The following IQCM variants were observed in gnomAD, a reference collection of about 807,000 sequenced individuals.
IQCM encodes the protein IQ domain-containing protein M.
In IQCM, 45 loss-of-function variants were observed where a neutral mutation model predicts 57.6. The ratio of observed to expected loss-of-function variants is 0.78; its 90% CI spans 0.62 to 1.00. The LOEUF (loss-of-function observed/expected upper bound fraction) is 1.00. IQCM is among the 50% of genes least tolerant of loss of function. IQCM has a pLI of 0.00. For missense variants in IQCM, 468 were observed against 511.6 expected (o/e 0.91, Z 0.82); for synonymous variants, 148 against 158.9 (o/e 0.93, Z 0.51).
At chr4:149,772,250 A>C (rs2149990212) in intron 2 of IQCM, among the ~76,000 whole-genome samples, 1 of 152,328 alleles carries the variant, frequency 6.6e-6, no homozygotes, top group South Asian at 2.1e-4. Flanking sequence ...ATAGTTCATA[A>C]ATAAATGGAA....
At chr4:149,698,227 G>T (rs2149807953) in intron 5 of IQCM, among the ~76,000 whole-genome samples, 1 of 152,092 alleles carries the variant, frequency 6.6e-6, no homozygotes, top group South Asian at 2.1e-4. Context: ...GACCATGGAG[G>T]TTATAGGGGG....
intron 5 of IQCM, among the ~76,000 whole-genome samples, chr4:149,693,735 T>C (rs1320736536): frequency 6.6e-6 from 1 of 152,214 alleles, no homozygotes; most frequent in East Asian, 1.9e-4. Context: ...ATAATTCTAA[T>C]TGTTTGAAAT....
intron 12 of IQCM, among the ~76,000 whole-genome samples, chr4:149,509,603 G>A (rs2149806744): frequency 6.6e-6 from 1 of 152,074 alleles, no homozygotes; most frequent in East Asian, 1.9e-4. Context: ...CTGACATCAA[G>A]ATATAATCTA....
chr4:149,480,055 C>G (rs1740612855), intron 12 of IQCM, among the ~76,000 whole-genome samples: 1 of 152,182 alleles, frequency 6.6e-6, no homozygotes, highest in South Asian at 2.1e-4. Context: ...TCTTATATGA[C>G]TACTGACATG....
intron 8 of IQCM, among the ~76,000 whole-genome samples, chr4:149,603,099 G>T (rs892810933): frequency 5.3e-5 from 8 of 152,004 alleles, no homozygotes; most frequent in African/African-American, 1.7e-4. Flanking sequence ...ATAGGATATT[G>T]CTGTCATTTA....
At chr4:149,361,623 G>A (rs1464130926) in intron 13 of IQCM, among the ~76,000 whole-genome samples, 1 of 152,198 alleles carries the variant, frequency 6.6e-6, no homozygotes, top group Non-Finnish European at 1.5e-5. Flanking sequence ...ACTTCCACAT[G>A]GTGTTGAGCC....
intron 9 of IQCM, among the ~76,000 whole-genome samples, chr4:149,568,820 T>A (rs1399794216): frequency 6.6e-6 from 1 of 152,066 alleles, no homozygotes; most frequent in African/African-American, 2.4e-5. Context: ...AACATAAACA[T>A]ATTAGAAGCA....
chr4:149,668,095 C>T (rs1421823390), intron 7 of IQCM, among the ~76,000 whole-genome samples: 5 of 151,980 alleles, frequency 3.3e-5, no homozygotes, highest in Non-Finnish European at 5.9e-5. Context: ...AGATATTTCT[C>T]GAGAAGAGCA....
At chr4:149,640,929 A>T (rs929336959) in intron 7 of IQCM, among the ~76,000 whole-genome samples, 4 of 152,182 alleles carry the variant, frequency 2.6e-5, no homozygotes, top group African/African-American at 9.7e-5. Flanking sequence ...CAGGAGTTCA[A>T]GACCAGTCTG....
intron 13 of IQCM, among the ~76,000 whole-genome samples, chr4:149,395,214 C>A (rs1392488532): frequency 6.6e-6 from 1 of 152,010 alleles, no homozygotes; most frequent in East Asian, 1.9e-4. Context: ...AAACACATGG[C>A]AACTAGGAAG....
chr4:149,768,194 G>C lies in IQCM; in HGVS notation c.-48-25455C>G, dbSNP rs140679506. ...TTATAAAAACATGAAGCGATGGTTA[G>C]ATTAAATTGTTAGTAATCATGCCTT... is the stretch of plus-strand genomic sequence containing the variant. On this transcript the variant is annotated intron_variant, in intron 2 of 13. Coordinates refer to ENST00000636793, the MANE Select transcript of IQCM (RefSeq NM_001363507.2). Among the ~76,000 whole-genome samples, 6 of 152,232 alleles carry C rather than the reference G, an allele frequency of 3.9e-5. No homozygotes were observed. The East Asian group carries it at 1.2e-3, about 29-fold the overall frequency.
intron 5 of IQCM, among the ~76,000 whole-genome samples, chr4:149,725,537 G>A (rs1765813707): frequency 6.6e-6 from 1 of 152,150 alleles, no homozygotes; most frequent in African/African-American, 2.4e-5. Context: ...CTAGTAGCAT[G>A]TCTCTGACCT....
At chr4:149,561,271 C>G (rs924772862) in intron 10 of IQCM, among the ~76,000 whole-genome samples, 1 of 62,844 alleles carries the variant, frequency 1.6e-5, no homozygotes, top group Admixed American at 1.8e-4. Flanking sequence ...TCATCTTTGG[C>G]CCATTCTTTC....
chr4:149,484,077 T>C (rs574402394), intron 12 of IQCM, among the ~76,000 whole-genome samples: 2 of 151,990 alleles, frequency 1.3e-5, no homozygotes, highest in Non-Finnish European at 2.9e-5. Flanking sequence ...TGTCTTGATA[T>C]CTATTTCATC....
intron 7 of IQCM, among the ~76,000 whole-genome samples, chr4:149,654,880 TATAAC>T (rs1384264240): frequency 6.6e-6 from 1 of 152,192 alleles, no homozygotes; most frequent in Non-Finnish European, 1.5e-5. Flanking sequence ...ATGCAAAACA[TATAAC>T]ATAATTTTTT....
chr4:149,529,485 C>T (rs1746516798), intron 12 of IQCM, among the ~76,000 whole-genome samples: 1 of 152,192 alleles, frequency 6.6e-6, no homozygotes, highest in Non-Finnish European at 1.5e-5. Flanking sequence ...AAGGTCTCAT[C>T]CCATTTCAGG....
In IQCM at chr4:149,364,757, GT is replaced by G. The variant is rs559859278; in HGVS notation, c.1391-12692del. Among the ~76,000 whole-genome samples, 48 of 152,224 alleles carry G rather than the reference GT, an allele frequency of 3.2e-4. 1 individual carries two copies. The South Asian group carries it at 1.0e-2, about 32-fold the overall frequency. On this transcript the variant is annotated intron_variant, in intron 13 of 13. Transcript: ENST00000636793. The stretch of plus-strand genomic sequence containing the variant: ...TAGAATATTGAAATAAAAGAAGTCA[GT>G]CTGATTACCTACAGAAAAATATTTT...
intron 9 of IQCM, among the ~76,000 whole-genome samples, chr4:149,584,086 G>T (rs1210222256): frequency 2.6e-5 from 4 of 151,136 alleles, no homozygotes; most frequent in Non-Finnish European, 5.9e-5. Context: ...ATTCTATCTG[G>T]GTTAGAGGTA....
chr4:149,669,447 G>A (rs1761049640), intron 7 of IQCM, among the ~76,000 whole-genome samples: 1 of 152,124 alleles, frequency 6.6e-6, no homozygotes. Context: ...TCTGATGGTA[G>A]TTACTTTTGC....
Sources: gnomAD v4.1 joint callset for allele counts (sites outside exome capture counted in the v4.1 genomes callset) on GRCh38, gnomAD v4.1.1 for gene constraint, MANE v1.5 for transcripts, NCBI Gene and HGNC (gene_info 2026-07-23, HGNC 2026-07-21) for gene names.